Variants in GRM3 observed in about 807,000 individuals in gnomAD.
The protein encoded by GRM3 is metabotropic glutamate receptor 3.
GRM3 carries 26 observed loss-of-function variants against 70.5 expected under a neutral mutation model. That is an observed-to-expected ratio of 0.37 (90% CI 0.27 to 0.51). The LOEUF (loss-of-function observed/expected upper bound fraction) is 0.51, where lower values mean the gene tolerates loss of function less well. Among genes scored for constraint, GRM3 ranks in the 20% least tolerant of loss-of-function variants. GRM3 has a pLI of 0.93. For synonymous variants in GRM3, 443 were observed against 434.9 expected (o/e 1.02, Z -0.23); for missense variants, 859 against 1,123.8 (o/e 0.76, Z 3.37).
intron 1 of GRM3, among the ~76,000 whole-genome samples, chr7:86,692,764 A>T (rs1271701454): frequency 2.6e-5 from 4 of 152,250 alleles, no homozygotes; most frequent in Non-Finnish European, 5.9e-5. Context: ...TAATAATCAA[A>T]GTATATAAAC....
chr7:86,848,474 C>A (rs77865488), intron 4 of GRM3, among the ~76,000 whole-genome samples: 2,355 of 152,184 alleles, frequency 0.015, 61 homozygotes, highest in African/African-American at 0.054. Flanking sequence ...GACTAGAGGG[C>A]GTTTTCATCT....
rs759939532 is a variant in GRM3, at chr7:86,839,343, C to T, written c.1829C>T (p.Ser610Leu). 7.4e-6 allele frequency: 12 copies of T among 1,613,802 alleles called. No homozygotes were observed. The highest frequency in any genetic ancestry group is 2.2e-5 in the East Asian group (1 of 44,892). ...KHNNTPLVKASGRELCYILLF... is the reference protein window; with the variant it reads ...KHNNTPLVKALGRELCYILLF... ...AACAACACACCCTTGGTCAAAGCAT[C>T]GGGCCGAGAACTCTGCTACATCTTA... The change falls in exon 4 of 6, where the codon TCG (serine) becomes TTG (leucine). Residue 610 changes from serine to leucine, a missense_variant. Transcript: ENST00000361669. The surrounding 1 kb of genome is among the most constrained non-coding windows in gnomAD (Gnocchi z 4.5).
intron 1 of GRM3, among the ~76,000 whole-genome samples, chr7:86,751,267 G>T (rs1195139403): frequency 6.6e-6 from 1 of 152,106 alleles, no homozygotes; most frequent in Non-Finnish European, 1.5e-5. Context: ...TTACGGCAAT[G>T]AAGGAGGAGG....
At chr7:86,720,540 G>T (rs1795433048) in intron 1 of GRM3, among the ~76,000 whole-genome samples, 1 of 152,074 alleles carries the variant, frequency 6.6e-6, no homozygotes, top group African/African-American at 2.4e-5. Flanking sequence ...ACTGGAGAAA[G>T]TTAGAGAGGC....
At chr7:86,814,910 G>A (rs542133581) in intron 3 of GRM3, among the ~76,000 whole-genome samples, 7 of 151,554 alleles carry the variant, frequency 4.6e-5, no homozygotes, top group African/African-American at 1.4e-4. Flanking sequence ...AGTGAATTAT[G>A]CATTAAACAG....
intron 1 of GRM3, among the ~76,000 whole-genome samples, chr7:86,754,418 T>C (rs981096484): frequency 3.3e-5 from 5 of 152,096 alleles, no homozygotes; most frequent in Non-Finnish European, 7.4e-5. Flanking sequence ...TTGATTGTGG[T>C]AAGAGAATTG....
intron 1 of GRM3, among the ~76,000 whole-genome samples, chr7:86,758,144 C>T (rs1017603927): frequency 2.6e-5 from 4 of 152,088 alleles, no homozygotes; most frequent in Non-Finnish European, 4.4e-5. Flanking sequence ...TACCAGGAAA[C>T]AGAAGAGTTA....
intron 1 of GRM3, among the ~76,000 whole-genome samples, chr7:86,763,185 T>G (rs890034740): frequency 6.6e-6 from 1 of 152,070 alleles, no homozygotes; most frequent in Non-Finnish European, 1.5e-5. Flanking sequence ...GATTGAGTCT[T>G]GGACCAGCTA....
At chr7:86,742,700 T>C (rs1032473730) in intron 1 of GRM3, among the ~76,000 whole-genome samples, 2 of 152,012 alleles carry the variant, frequency 1.3e-5, no homozygotes, top group Non-Finnish European at 2.9e-5. Flanking sequence ...TAAAGATTTT[T>C]CTTAGCAAAA....
chr7:86,832,226 C>A (rs890896065), intron 3 of GRM3, among the ~76,000 whole-genome samples: 1 of 150,404 alleles, frequency 6.6e-6, no homozygotes, highest in Non-Finnish European at 1.5e-5. Flanking sequence ...AAAATTGGAG[C>A]CATGTTCCTG....
At chr7:86,750,262 C>T (rs370855355) in intron 1 of GRM3, among the ~76,000 whole-genome samples, 63 of 152,174 alleles carry the variant, frequency 4.1e-4, no homozygotes, top group African/African-American at 1.3e-3. Context: ...AGTTTAGCTA[C>T]GCTAACTAAT....
At chr7:86,669,850 T>C (rs1170975484) in intron 1 of GRM3, among the ~76,000 whole-genome samples, 1 of 152,166 alleles carries the variant, frequency 6.6e-6, no homozygotes, top group Non-Finnish European at 1.5e-5. Flanking sequence ...GTATCTCAAC[T>C]TAGTCTCACA....
Position 86,864,363 on chromosome 7 carries a change from T to G in GRM3, c.*8T>G. The G allele has an allele frequency of 6.2e-7, 1 of 1,604,708 alleles. No homozygotes were observed. Among genetic ancestry groups the G allele is most frequent in the Non-Finnish European group, 8.5e-7 (1 of 1,171,494 alleles). On this transcript the variant is annotated 3_prime_UTR_variant, in exon 6 of 6. Coordinates refer to ENST00000361669, the MANE Select transcript of GRM3 (RefSeq NM_000840.3). Reference sequence around the variant, plus strand: ...ACCACCTCATCTCTGTGATTGTGAATTGCAGTTCAGTTCTTGTGTTTTTAG... The same window carrying G: ...ACCACCTCATCTCTGTGATTGTGAAGTGCAGTTCAGTTCTTGTGTTTTTAG...
chr7:86,773,415 A>T (rs765535688), intron 2 of GRM3, among the ~76,000 whole-genome samples: 4 of 152,000 alleles, frequency 2.6e-5, no homozygotes, highest in Non-Finnish European at 4.4e-5. Flanking sequence ...GAACAGTTTC[A>T]AGAGGAATTG....
At chr7:86,758,842 T>C (rs1796411388) in intron 1 of GRM3, among the ~76,000 whole-genome samples, 1 of 152,186 alleles carries the variant, frequency 6.6e-6, no homozygotes, top group Non-Finnish European at 1.5e-5. Context: ...CTTTCTTCTT[T>C]TGGCCTCATC....
At chr7:86,812,492 G>A (rs1797932211) in intron 3 of GRM3, among the ~76,000 whole-genome samples, 2 of 151,706 alleles carry the variant, frequency 1.3e-5, no homozygotes, top group African/African-American at 2.4e-5. Context: ...CCAAAAAAAG[G>A]TTAGGATTAA....
chr7:86,774,822 T>C (rs1413079826), intron 2 of GRM3, among the ~76,000 whole-genome samples: 1 of 152,054 alleles, frequency 6.6e-6, no homozygotes, highest in Non-Finnish European at 1.5e-5. Flanking sequence ...GGAAAACAGA[T>C]GTGGTTGAAC....
intron 2 of GRM3, chr7:86,775,047 TAAAGG>T (rs1238518561): frequency 1.3e-5 from 2 of 152,004 alleles, no homozygotes; most frequent in African/African-American, 4.8e-5. Flanking sequence ...AATTAAAAAG[TAAAGG>T]AAAGTAACAA....
At chr7:86,855,430 G>T (rs10487054) in intron 5 of GRM3, among the ~76,000 whole-genome samples, 6,345 of 152,162 alleles carry the variant, frequency 0.042, 446 homozygotes, top group African/African-American at 0.14. Context: ...TGTGTCTCTT[G>T]CTCATGGTAA....
Sources: gnomAD v4.1 joint callset for allele counts (sites outside exome capture counted in the v4.1 genomes callset) on GRCh38, gnomAD v4.1.1 for gene constraint, Gnocchi (gnomAD v3.1) non-coding constraint, MANE v1.5 for transcripts, NCBI Gene and HGNC (gene_info 2026-07-23, HGNC 2026-07-21) for gene names.